The following DOCK8 variants were observed in gnomAD, a reference collection of about 807,000 sequenced individuals.
DOCK8 encodes dedicator of cytokinesis 8, also known as dedicator of cytokinesis protein 8.
A neutral mutation model predicts 245.6 loss-of-function variants in DOCK8; 141 were observed. That is an observed-to-expected ratio of 0.57 (90% confidence interval 0.50 to 0.66). The LOEUF (loss-of-function observed/expected upper bound fraction) is 0.66, where lower values mean the gene tolerates loss of function less well. Among genes scored for constraint, DOCK8 ranks in the 30% least tolerant of loss-of-function variants. The pLI, the probability that DOCK8 is intolerant of heterozygous loss-of-function variation, is 0.00. For synonymous variants in DOCK8, 1,168 were observed against 970.2 expected, an observed-to-expected ratio of 1.20 and a Z score of -3.79; for missense variants, 2,965 against 2,603.4, an observed-to-expected ratio of 1.14 and a Z score of -3.02.
At position 446,480 on chromosome 9, in the gene DOCK8, C is replaced by T. The variant is rs753936319; in HGVS notation, c.5691C>T (p.Thr1897=). Residue 1897 remains threonine, a synonymous_variant, in exon 44 of 48, where the codon ACC becomes ACT. Transcript: ENST00000432829. ...ACCTCCGGAGGTTCATGTACACCAC[C>T]CCGTTCACCCTGGAGGGGCGGCCTC... The part of the protein sequence containing the change: ...NFNLRRFMYT[T]PFTLEGRPRG... 2 of 1,614,186 alleles carry T rather than the reference C, an allele frequency of 1.2e-6. No individual in the cohort carries two copies. The highest frequency in any genetic ancestry group is 1.7e-6 in the Non-Finnish European group (2 of 1,180,040).
intron 1 of DOCK8, among the ~76,000 whole-genome samples, chr9:222,244 C>G (rs2046899052): frequency 6.6e-6 from 1 of 151,654 alleles, no homozygotes; most frequent in Admixed American, 6.6e-5. Flanking sequence ...GCCTGGGCCA[C>G]AGAGTGAAAC....
intron 4 of DOCK8, among the ~76,000 whole-genome samples, chr9:303,605 A>G (rs1364733140): frequency 6.6e-6 from 1 of 152,254 alleles, no homozygotes; most frequent in East Asian, 1.9e-4. Context: ...AAACATGGGC[A>G]TAAAGATAAC....
chr9:288,545 G>A (rs187126307), intron 3 of DOCK8, among the ~76,000 whole-genome samples: 53 of 152,336 alleles, frequency 3.5e-4, no homozygotes, highest in African/African-American at 1.2e-3. Context: ...TGCTACCTAA[G>A]TGTAAACTAT....
At chr9:385,328 T>C (rs1378077070) in intron 22 of DOCK8, among the ~76,000 whole-genome samples, 2 of 151,666 alleles carry the variant, frequency 1.3e-5, no homozygotes, top group African/African-American at 4.8e-5. Context: ...TTTTGACAAA[T>C]GTACCTTACT....
intron 20 of DOCK8, among the ~76,000 whole-genome samples, chr9:378,924 T>C (rs1261994487): frequency 6.6e-6 from 1 of 152,230 alleles, no homozygotes; most frequent in Non-Finnish European, 1.5e-5. Flanking sequence ...TGGAGAATCA[T>C]GTAACTCAGT....
chr9:229,485 T>C (rs1042669476), intron 1 of DOCK8, among the ~76,000 whole-genome samples: 3 of 152,142 alleles, frequency 2.0e-5, no homozygotes, highest in Admixed American at 1.3e-4. Context: ...GGACTCCAGA[T>C]TGCAGAGCTG....
intron 19 of DOCK8, among the ~76,000 whole-genome samples, chr9:376,605 T>G (rs570351837): frequency 6.6e-6 from 1 of 152,304 alleles, no homozygotes; most frequent in East Asian, 1.9e-4. Flanking sequence ...CCTCTGTAAC[T>G]CTGCCACTTT....
chr9:388,611 G>C (rs1209297612), intron 23 of DOCK8, among the ~76,000 whole-genome samples: 1 of 151,120 alleles, frequency 6.6e-6, no homozygotes, highest in African/African-American at 2.4e-5. Context: ...CTGGAGTGCC[G>C]TGGTGCAATC....
intron 36 of DOCK8, among the ~76,000 whole-genome samples, chr9:431,551 G>A (rs886706708): frequency 7.9e-5 from 12 of 152,142 alleles, no homozygotes; most frequent in African/African-American, 1.7e-4. Context: ...CTCTGTCACC[G>A]TGGCTGGAGT....
In DOCK8 at chr9:448,261, T is replaced by A. The variant is rs1277666350; in HGVS notation, c.5818-1523T>A. The stretch of plus-strand genomic sequence containing the variant: ...GCTTGTGCCACCATGCCCAGCTAAT[T>A]AAAAATACAGAGAGATATATATTTT... On this transcript the variant is annotated intron_variant, in intron 44 of 47. Transcript: ENST00000432829. Among the ~76,000 whole-genome samples, 4 of 152,138 alleles carry A rather than the reference T, an allele frequency of 2.6e-5. No individual in the cohort carries two copies. The East Asian group carries it at 7.7e-4, about 29-fold the overall frequency.
chr9:366,390 T>C (rs2053002188), intron 14 of DOCK8: 1 of 152,264 alleles, frequency 6.6e-6, no homozygotes, highest in Admixed American at 6.5e-5. Context: ...CCATGGCCTT[T>C]GAACTTGCAC....
chr9:459,880 A>T (rs2057750510), intron 46 of DOCK8: 1 of 152,354 alleles, frequency 6.6e-6, no homozygotes, highest in African/African-American at 2.4e-5. Context: ...ATAGTACAGA[A>T]CGAGAGAGAG....
At chr9:333,347 A>G (rs924374210) in intron 10 of DOCK8, among the ~76,000 whole-genome samples, 4 of 152,180 alleles carry the variant, frequency 2.6e-5, no homozygotes, top group Admixed American at 6.5e-5. Flanking sequence ...CACACCTGTA[A>G]TCCCAGCACT....
At chr9:386,250 A>G (rs529158923) in intron 22 of DOCK8, 81 bp from the exon 23 acceptor site, 1 of 1,195,194 alleles carries the variant, frequency 8.4e-7, no homozygotes, top group Admixed American at 1.8e-5. Flanking sequence ...AAAAAAATGA[A>G]TTCTGAGGTT....
At chr9:260,071 A>G (rs765115068) in intron 1 of DOCK8, among the ~76,000 whole-genome samples, 3 of 152,188 alleles carry the variant, frequency 2.0e-5, no homozygotes, top group Non-Finnish European at 4.4e-5. Context: ...TGGGCAAGAA[A>G]CCATGGGTGG....
At chr9:277,240 G>A (rs2048381668) in intron 2 of DOCK8, among the ~76,000 whole-genome samples, 1 of 151,298 alleles carries the variant, frequency 6.6e-6, no homozygotes, top group Admixed American at 6.6e-5. Context: ...GCAACATAGT[G>A]AGAACTCATC....
At position 368,394 on chromosome 9, in the gene DOCK8, C is replaced by A. The variant is rs2053115719; in HGVS notation, c.1797+259C>A. On this transcript the variant is annotated intron_variant, in intron 15 of 47. Transcript: ENST00000432829. ...AGAGGATTAAAAAAAGTCATAAAGT[C>A]TTTCCATACTGCCCATAGGACCACC... 9 of 673,036 alleles carry A rather than the reference C, an allele frequency of 1.3e-5. No individual in the cohort carries two copies. In the South Asian group the frequency reaches 1.5e-4, roughly 11 times the overall value. The allele number at this position is 673,036 out of a possible 1,614,324, so 41.7% of individuals were successfully genotyped here. A position where few individuals can be genotyped will look rare whatever the true frequency, so the allele number is the denominator to read the frequency against.
intron 44 of DOCK8, among the ~76,000 whole-genome samples, chr9:446,984 G>A (rs575463848): frequency 2.0e-5 from 3 of 151,616 alleles, no homozygotes; most frequent in Non-Finnish European, 2.9e-5. Flanking sequence ...AAGCATAGTC[G>A]TGCTGTTAAT....
In DOCK8 at chr9:272,087, T is replaced by C. The variant is rs191475220; in HGVS notation, c.156+358T>C. ...TTTTTTGGAAAAGCATATTCCAAAATCTGAAATGCCAAGTTACAGACCTCC... is the reference window on the plus strand; with the variant it reads ...TTTTTTGGAAAAGCATATTCCAAAACCTGAAATGCCAAGTTACAGACCTCC... On this transcript the variant is annotated intron_variant, in intron 2 of 47. Coordinates refer to ENST00000432829, the MANE Select transcript of DOCK8 (RefSeq NM_203447.4). Among the ~76,000 whole-genome samples the C allele has an allele frequency of 2.6e-5, 4 of 152,318 alleles. No individual in the cohort carries two copies. In the East Asian group the frequency reaches 7.7e-4, roughly 29 times the overall value.
Sources: allele counts gnomAD v4.1 joint callset (sites outside exome capture counted in the v4.1 genomes callset), GRCh38; gene constraint gnomAD v4.1.1; transcripts MANE v1.5; gene names NCBI Gene and HGNC (gene_info 2026-07-23, HGNC 2026-07-21).